FCAR: variants seen among roughly 807,000 people sequenced by gnomAD.
The protein encoded by FCAR is Fc alpha receptor.
In FCAR, 21 loss-of-function variants were observed where a neutral mutation model predicts 27.1. The ratio of observed to expected loss-of-function variants is 0.77; its 90% CI spans 0.55 to 1.11. The LOEUF (loss-of-function observed/expected upper bound fraction) is 1.11, where lower values mean the gene tolerates loss of function less well. Ranked by LOEUF, FCAR falls within the 50% of genes most tolerant of loss-of-function variation. FCAR has a pLI of 0.00. For synonymous variants in FCAR, 134 were observed against 135.8 expected (o/e 0.99, Z 0.09); for missense variants, 404 against 358.4 (o/e 1.13, Z -1.03).
intron 2 of FCAR, among the ~76,000 whole-genome samples, chr19:54,879,845 A>G (rs1255619202): frequency 3.3e-5 from 5 of 151,932 alleles, no homozygotes; most frequent in Non-Finnish European, 7.4e-5. Flanking sequence ...CACCACGCCC[A>G]GCTAATTTTT....
At chr19:54,874,402 A>G in intron 1 of FCAR, 79 bp downstream of exon 1, 1 of 1,420,270 alleles carries the variant, frequency 7.0e-7, no homozygotes, top group East Asian at 2.3e-5. Flanking sequence ...TAACAGTGTG[A>G]CTAGGAGATT....
In FCAR at chr19:54,874,269, G is replaced by T. The variant is rs1411366483; in HGVS notation, c.-21G>T. ...ATGTGCATTGAAAGGAGAGCAACGG[G>T]GCTGAGGCCGTGTCAGCACGATGGA... On this transcript the variant is annotated 5_prime_UTR_variant, in exon 1 of 5. Transcript: ENST00000355524. 6.2e-7 allele frequency: 1 copy of T among 1,614,004 alleles called. No individual in the cohort carries two copies. The highest frequency in any genetic ancestry group is 1.7e-5 in the Admixed American group (1 of 60,018).
At chr19:54,885,797 T>G (rs1216394999) in intron 3 of FCAR, among the ~76,000 whole-genome samples, 1 of 152,224 alleles carries the variant, frequency 6.6e-6, no homozygotes, top group Non-Finnish European at 1.5e-5. Flanking sequence ...AGTCTTTCTC[T>G]GTTCCAGGAT....
At chr19:54,879,848 T>G (rs1047318646) in intron 2 of FCAR, among the ~76,000 whole-genome samples, 1 of 152,104 alleles carries the variant, frequency 6.6e-6, no homozygotes, top group African/African-American at 2.4e-5. Flanking sequence ...CACGCCCAGC[T>G]AATTTTTTAT....
chr19:54,882,808 G>T (rs928398264), intron 2 of FCAR, among the ~76,000 whole-genome samples: 4 of 152,080 alleles, frequency 2.6e-5, no homozygotes, highest in Non-Finnish European at 5.9e-5. Flanking sequence ...GAGTACAGTC[G>T]CTTGGCTTCA....
intron 2 of FCAR, among the ~76,000 whole-genome samples, chr19:54,878,029 C>G (rs1396035231): frequency 6.6e-6 from 1 of 151,836 alleles, no homozygotes; most frequent in East Asian, 1.9e-4. Flanking sequence ...CATTCTCCTG[C>G]CTCAGCCTCC....
At chr19:54,876,675 T>C (rs947888809) in intron 2 of FCAR, among the ~76,000 whole-genome samples, 2 of 152,142 alleles carry the variant, frequency 1.3e-5, no homozygotes, top group African/African-American at 4.8e-5. Context: ...ATCCCAGCAC[T>C]TTGGGAAGCC....
Position 54,891,298 on chromosome 19 carries a change from G to C in FCAR, c.*1435G>C, listed in dbSNP as rs587681036. The C allele has an allele frequency of 6.6e-6, 1 of 152,068 alleles. No homozygotes were observed. Among genetic ancestry groups the C allele is most frequent in the Non-Finnish European group, 1.5e-5 (1 of 68,034 alleles). The allele number at this position is 152,068 out of a possible 1,614,324, so 9.4% of individuals were successfully genotyped here. A position where few individuals can be genotyped will look rare whatever the true frequency, so the allele number is the denominator to read the frequency against. The stretch of plus-strand genomic sequence containing the variant: ...ATAAAATGTAAGGGTCCTACTTCCA[G>C]TGAAACTGAAGGGACTTAGGCCCAC... On this transcript the variant is annotated 3_prime_UTR_variant, in exon 5 of 5. Coordinates refer to ENST00000355524, the MANE Select transcript of FCAR (RefSeq NM_002000.4).
rs2066957285 is a variant in FCAR at position 54,889,654 on chromosome 19, A to G, written c.655A>G (p.Ile219Val). Residue 219 changes from isoleucine to valine, a missense_variant, in exon 5 of 5, where the codon ATC becomes GTC. Coordinates refer to ENST00000355524, the MANE Select transcript of FCAR (RefSeq NM_002000.4). ...NALELVVTDS[I>V]HQDYTTQNLI... ...TCCTTGAATTGTGTCTCCAGACTCC[A>G]TCCACCAAGATTACACGACGCAGAA... 6.2e-7 allele frequency: 1 copy of G among 1,613,432 alleles called. No homozygotes were observed. The highest frequency in any genetic ancestry group is 1.1e-5 in the South Asian group (1 of 91,076).
intron 2 of FCAR, among the ~76,000 whole-genome samples, chr19:54,883,148 A>T (rs587775585): frequency 6.6e-6 from 1 of 151,990 alleles, no homozygotes; most frequent in Non-Finnish European, 1.5e-5. Context: ...TGGGACTACA[A>T]GCACGCAGCA....
chr19:54,887,575 C>T (rs1325474348), intron 3 of FCAR, among the ~76,000 whole-genome samples: 1 of 151,268 alleles, frequency 6.6e-6, no homozygotes, highest in Non-Finnish European at 1.5e-5. Context: ...GAGCTGAGAT[C>T]GTGCCACTGC....
chr19:54,877,696 T>C (rs2066172318), intron 2 of FCAR, among the ~76,000 whole-genome samples: 1 of 152,118 alleles, frequency 6.6e-6, no homozygotes, highest in African/African-American at 2.4e-5. Context: ...GGTTGTTAAT[T>C]TGAACTTTTT....
rs1373633328 is a variant in FCAR at position 54,884,226 on chromosome 19, T to C, written c.71-1009T>C. ...GTAACGGCAGGTGGAGCCATCTCAC[T>C]GCTCCCACGCACCATGCCCGTGGCC... On this transcript the variant is annotated intron_variant, in intron 2 of 4. Transcript: ENST00000355524. Among the ~76,000 whole-genome samples, 13 of 152,344 alleles carry C rather than the reference T, an allele frequency of 8.5e-5. No homozygotes were observed. In the South Asian group the frequency reaches 2.7e-3, roughly 32 times the overall value.
intron 2 of FCAR, among the ~76,000 whole-genome samples, chr19:54,883,299 C>T (rs146928643): frequency 1.3e-5 from 2 of 151,598 alleles, no homozygotes; most frequent in African/African-American, 2.4e-5. Context: ...TTGACAAAGT[C>T]GGCAGTAGTG....
At chr19:54,884,450 G>A (rs2066591076) in intron 2 of FCAR, among the ~76,000 whole-genome samples, 2 of 152,064 alleles carry the variant, frequency 1.3e-5, no homozygotes, top group Admixed American at 6.6e-5. Flanking sequence ...TGGCCAACAT[G>A]GTGAAACCCC....
chr19:54,889,764 G>A lies in FCAR; in HGVS notation c.765G>A (p.Leu255=). ...LVENWHSHTA[L]NKEASADVAE... The stretch of plus-strand genomic sequence containing the variant: ...AAAATTGGCACAGCCATACGGCACT[G>A]AACAAGGAAGCCTCGGCAGATGTGG... The change falls in exon 5 of 5, where the codon CTG becomes CTA. Residue 255 remains leucine (L), a synonymous_variant. Transcript: ENST00000355524. 6.2e-7 allele frequency: 1 copy of A among 1,614,002 alleles called. No homozygotes were observed.
chr19:54,889,070 GAA>G (rs1192655305), intron 4 of FCAR: 10 of 118,458 alleles, frequency 8.4e-5, no homozygotes, highest in Non-Finnish European at 1.4e-4. Flanking sequence ...TCCACCTCAA[GAA>G]AAAAAAAAAA....
intron 2 of FCAR, among the ~76,000 whole-genome samples, chr19:54,881,576 G>A (rs1601917470): frequency 2.0e-5 from 3 of 152,156 alleles, no homozygotes; most frequent in East Asian, 3.9e-4. Flanking sequence ...CGGTGTGCTG[G>A]AAGCATGAAT....
intron 2 of FCAR, among the ~76,000 whole-genome samples, chr19:54,882,403 C>T (rs2145881471): frequency 6.6e-6 from 1 of 152,016 alleles, no homozygotes; most frequent in African/African-American, 2.4e-5. Flanking sequence ...TATCGAGTTG[C>T]CAGAGTTCTT....
Sources: allele counts gnomAD v4.1 joint callset (sites outside exome capture counted in the v4.1 genomes callset), GRCh38; gene constraint gnomAD v4.1.1; transcripts MANE v1.5; gene names NCBI Gene and HGNC (gene_info 2026-07-23, HGNC 2026-07-21).